The following FBXL4 variants were observed in gnomAD, a reference collection of about 807,000 sequenced individuals.
The protein encoded by FBXL4 is F-box/LRR-repeat protein 4.
In FBXL4, 40 loss-of-function variants were observed where a neutral mutation model predicts 58.9. That is an observed-to-expected ratio of 0.68 (90% CI 0.53 to 0.88). FBXL4 has a LOEUF of 0.88. FBXL4 is among the 40% of genes least tolerant of loss of function. The pLI, the probability that FBXL4 is intolerant of heterozygous loss-of-function variation, is 0.00. For missense variants in FBXL4, 676 were observed against 734.4 expected (o/e 0.92, Z 0.92); for synonymous variants, 263 against 265.5 (o/e 0.99, Z 0.09).
At chr6:98,933,982 C>T (rs755297652) in intron 2 of FBXL4, among the ~76,000 whole-genome samples, 4 of 152,032 alleles carry the variant, frequency 2.6e-5, no homozygotes, top group Non-Finnish European at 5.9e-5. Context: ...TCTTTGAAGC[C>T]ATCCAAGAAG....
rs1770489227 is a variant in FBXL4, at chr6:98,871,482, A to G, written c.*2796T>C. On this transcript the variant is annotated 3_prime_UTR_variant, in exon 10 of 10. Coordinates refer to ENST00000369244, the MANE Select transcript of FBXL4 (RefSeq NM_001278716.2). ...CAATTACAAGCATGAATATTTTATA[A>G]GAAGAAAACACAAATTTCATGCAAC... 6.6e-6 allele frequency: 1 copy of G among 152,242 alleles called. No homozygotes were observed. Among genetic ancestry groups the G allele is most frequent in the Non-Finnish European group, 1.5e-5 (1 of 68,038 alleles). 9.4% of individuals were successfully genotyped at this position (152,242 alleles called of 1,614,324 possible). A position where few individuals can be genotyped will look rare whatever the true frequency, so the allele number is the denominator to read the frequency against.
chr6:98,890,806 C>A (rs1771199854), intron 7 of FBXL4, among the ~76,000 whole-genome samples: 1 of 152,036 alleles, frequency 6.6e-6, no homozygotes, highest in African/African-American at 2.4e-5. Context: ...GTAGTCCCAG[C>A]TACTCGGGAG....
chr6:98,942,933 T>C (rs1773485653), intron 1 of FBXL4, among the ~76,000 whole-genome samples: 1 of 152,126 alleles, frequency 6.6e-6, no homozygotes, highest in South Asian at 2.1e-4. Context: ...TAAATTGTCC[T>C]ATTAAGAGAT....
At chr6:98,922,233 T>G (rs1343100514) in intron 4 of FBXL4, among the ~76,000 whole-genome samples, 1 of 152,156 alleles carries the variant, frequency 6.6e-6, no homozygotes, top group Non-Finnish European at 1.5e-5. Context: ...GCCTTTTTCT[T>G]TTGCTCTTAA....
At chr6:98,940,142 T>C (rs931801805) in intron 1 of FBXL4, among the ~76,000 whole-genome samples, 2 of 152,228 alleles carry the variant, frequency 1.3e-5, no homozygotes, top group African/African-American at 4.8e-5. Flanking sequence ...GGCAGTAAAT[T>C]ATAAAATAGA....
At chr6:98,874,886 A>T (rs1770599251) in intron 9 of FBXL4, among the ~76,000 whole-genome samples, 1 of 152,244 alleles carries the variant, frequency 6.6e-6, no homozygotes, top group Non-Finnish European at 1.5e-5. Context: ...GAAGCAACAA[A>T]ATTACACAGG....
In FBXL4 at chr6:98,899,491, C is replaced by T. The variant is rs1411490312; in HGVS notation, c.1104-10G>A. The T allele has an allele frequency of 6.2e-7, 1 of 1,609,050 alleles. No homozygotes were observed. The highest frequency in any genetic ancestry group is 1.1e-5 in the South Asian group (1 of 90,438). On this transcript the variant is annotated splice_polypyrimidine_tract_variant and intron_variant, in intron 6 of 9. Transcript: ENST00000369244. ...ACAAACCTTCAGAAACCTGCCAAAACAACATTCTATGTGAATTTTATAAAA... is the reference window on the plus strand; with the variant it reads ...ACAAACCTTCAGAAACCTGCCAAAATAACATTCTATGTGAATTTTATAAAA...
At chr6:98,888,435 T>C (rs1236544136) in intron 7 of FBXL4, among the ~76,000 whole-genome samples, 2 of 152,220 alleles carry the variant, frequency 1.3e-5, no homozygotes, top group African/African-American at 2.4e-5. Context: ...GCAGCACTGC[T>C]ACATATCTAG....
intron 7 of FBXL4, among the ~76,000 whole-genome samples, chr6:98,884,662 G>A (rs1457102717): frequency 2.0e-5 from 3 of 152,028 alleles, no homozygotes; most frequent in Non-Finnish European, 4.4e-5. Context: ...ATCACAATCT[G>A]TCTAAAAATG....
chr6:98,900,585 T>C (rs1024597973), intron 6 of FBXL4, among the ~76,000 whole-genome samples: 11 of 151,872 alleles, frequency 7.2e-5, no homozygotes, highest in African/African-American at 1.7e-4. Context: ...ACTTGAAGTA[T>C]GTAACAACAT....
chr6:98,939,640 C>A (rs1426832417), intron 1 of FBXL4, among the ~76,000 whole-genome samples: 1 of 152,208 alleles, frequency 6.6e-6, no homozygotes, highest in African/African-American at 2.4e-5. Flanking sequence ...ACCATAGCTG[C>A]AGACTGTAAT....
At chr6:98,915,141 T>C (rs1582420237) in intron 5 of FBXL4, among the ~76,000 whole-genome samples, 1 of 152,208 alleles carries the variant, frequency 6.6e-6, no homozygotes, top group African/African-American at 2.4e-5. Context: ...CAAGGAGAAC[T>C]ACAAACCACT....
chr6:98,909,870 T>C (rs983574080), intron 5 of FBXL4, among the ~76,000 whole-genome samples: 2 of 152,198 alleles, frequency 1.3e-5, no homozygotes, highest in Non-Finnish European at 2.9e-5. Flanking sequence ...AAAGACCAAA[T>C]TAACTTGGAC....
Position 98,869,683 on chromosome 6 carries a change from C to G in FBXL4, c.*4595G>C, listed in dbSNP as rs1263463425. 1 of 152,046 alleles carries G rather than the reference C, an allele frequency of 6.6e-6. No homozygotes were observed. The highest frequency in any genetic ancestry group is 2.4e-5 in the African/African-American group (1 of 41,392). 9.4% of individuals were successfully genotyped at this position (152,046 alleles called of 1,614,324 possible). A position where few individuals can be genotyped will look rare whatever the true frequency, so the allele number is the denominator to read the frequency against. On this transcript the variant is annotated 3_prime_UTR_variant, in exon 10 of 10. Coordinates refer to ENST00000369244, the MANE Select transcript of FBXL4 (RefSeq NM_001278716.2). ...AATATATACACACATACATGGTAGC[C>G]AAATGGAAATTTTACTGACTCTTTG...
At chr6:98,923,849 CT>C (rs1038867955) in intron 4 of FBXL4, among the ~76,000 whole-genome samples, 28 of 150,918 alleles carry the variant, frequency 1.9e-4, no homozygotes, top group South Asian at 4.2e-4. Context: ...ATATATTTTC[CT>C]TTTTTTTTGG....
At chr6:98,884,044 T>A (rs978131797) in intron 7 of FBXL4, among the ~76,000 whole-genome samples, 5 of 152,050 alleles carry the variant, frequency 3.3e-5, no homozygotes, top group Non-Finnish European at 7.4e-5. Context: ...TATCTGATAC[T>A]TCCTTACAGA....
intron 8 of FBXL4, among the ~76,000 whole-genome samples, chr6:98,879,403 C>T (rs1349111789): frequency 6.6e-6 from 1 of 152,144 alleles, no homozygotes; most frequent in Non-Finnish European, 1.5e-5. Context: ...CAGTCAGTTA[C>T]ACTGGAAGAT....
chr6:98,874,236 C>T lies in FBXL4; in HGVS notation c.*42G>A. The T allele has an allele frequency of 1.4e-6, 2 of 1,431,942 alleles. No individual in the cohort carries two copies. The highest frequency in any genetic ancestry group is 1.8e-6 in the Non-Finnish European group (2 of 1,082,638). The allele number at this position is 1,431,942 out of a possible 1,614,324, so 88.7% of individuals were successfully genotyped here. On this transcript the variant is annotated 3_prime_UTR_variant, in exon 10 of 10. Coordinates refer to ENST00000369244, the MANE Select transcript of FBXL4 (RefSeq NM_001278716.2). ...CCCAAAACCAATCCCAAAATTAAAC[C>T]CCAACAAAGCACATTAATTTTAATA...
chr6:98,929,286 A>G (rs971225655), intron 2 of FBXL4, among the ~76,000 whole-genome samples: 2 of 152,078 alleles, frequency 1.3e-5, no homozygotes, highest in African/African-American at 4.8e-5. Context: ...CTAAGAAGAA[A>G]GTTAGCTGGG....
Sources: gnomAD v4.1 joint callset for allele counts (sites outside exome capture counted in the v4.1 genomes callset) on GRCh38, gnomAD v4.1.1 for gene constraint, MANE v1.5 for transcripts, NCBI Gene and HGNC (gene_info 2026-07-23, HGNC 2026-07-21) for gene names.